Variants in TBCD observed in about 807,000 individuals in gnomAD.
TBCD encodes tubulin-specific chaperone D.
A neutral mutation model predicts 169.3 loss-of-function variants in TBCD; 105 were observed. The ratio of observed to expected loss-of-function variants is 0.62; its 90% confidence interval spans 0.53 to 0.73. TBCD has a LOEUF of 0.73. TBCD is among the 30% of genes least tolerant of loss of function. The probability of loss-of-function intolerance (pLI) is 0.00; values close to 1 mark genes in which losing one functional copy is unlikely to be tolerated. For missense variants in TBCD, 1,444 were observed against 1,600.1 expected, an observed-to-expected ratio of 0.90 and a Z score of 1.66; for synonymous variants, 700 against 643.9, an observed-to-expected ratio of 1.09 and a Z score of -1.32.
In TBCD at chr17:82,809,712, G is replaced by A; in HGVS notation, c.1153G>A (p.Gly385Ser). 1.2e-6 allele frequency: 2 copies of A among 1,613,020 alleles called. No individual in the cohort carries two copies. The highest frequency in any genetic ancestry group is 1.7e-6 in the Non-Finnish European group (2 of 1,179,394). ...VVRWSAAKGI[G>S]RMAGRLPRAL... ...ATTGCTGCGTTTCTCTTTCAGCATC[G>A]GTAGGATGGCTGGCAGGCTTCCCAG... Residue 385 changes from glycine (G) to serine (S), a missense_variant, in exon 12 of 39, where the codon GGT becomes AGT. By Grantham distance (56) the Gly-to-Ser change is moderately conservative (BLOSUM62 0). Coordinates refer to ENST00000355528, the MANE Select transcript of TBCD (RefSeq NM_005993.5).
intron 15 of TBCD, among the ~76,000 whole-genome samples, chr17:82,888,905 T>TG: frequency 6.6e-6 from 1 of 152,144 alleles, no homozygotes; most frequent in East Asian, 1.9e-4. Context: ...GCTGGTGGTG[T>TG]GTGTGGTGTG....
intron 10 of TBCD, among the ~76,000 whole-genome samples, chr17:82,807,344 C>G (rs2051046242): frequency 6.6e-6 from 1 of 152,194 alleles, no homozygotes; most frequent in Non-Finnish European, 1.5e-5. Context: ...TGGCCTTCCC[C>G]TGGGGGCAGG....
At position 82,874,184 on chromosome 17, in the gene TBCD, G is replaced by T. The variant is rs540775606; in HGVS notation, c.1475+3804G>T. Among the ~76,000 whole-genome samples, 1 of 152,146 alleles carries T rather than the reference G, an allele frequency of 6.6e-6. No homozygotes were observed. The highest frequency in any genetic ancestry group is 2.4e-5 in the African/African-American group (1 of 41,430). ...TGGGGTTGGGGTGAGTGTGACTTCTGTCTGGGGCATGTTGGGTGGGCGTGC... is the reference window on the plus strand; with the variant it reads ...TGGGGTTGGGGTGAGTGTGACTTCTTTCTGGGGCATGTTGGGTGGGCGTGC... On this transcript the variant is annotated intron_variant, in intron 14 of 38. Coordinates refer to ENST00000355528, the MANE Select transcript of TBCD (RefSeq NM_005993.5). This position sits in a 1 kb window ranked among gnomAD's most constrained non-coding sequence, Gnocchi z 5.0.
intron 8 of TBCD, among the ~76,000 whole-genome samples, chr17:82,799,534 CAT>C (rs1035892848): frequency 3.4e-5 from 5 of 146,296 alleles, no homozygotes; most frequent in Non-Finnish European, 6.0e-5. Context: ...AAATTTGAAA[CAT>C]GTATAAAGAA....
At chr17:82,802,833 G>A (rs928551817) in intron 9 of TBCD, among the ~76,000 whole-genome samples, 1 of 152,256 alleles carries the variant, frequency 6.6e-6, no homozygotes, top group African/African-American at 2.4e-5. Flanking sequence ...ATAGCGGGGC[G>A]CCCCACGGCG....
At chr17:82,811,050 A>G (rs1219656433) in intron 12 of TBCD, among the ~76,000 whole-genome samples, 1 of 152,154 alleles carries the variant, frequency 6.6e-6, no homozygotes, top group Non-Finnish European at 1.5e-5. Context: ...CTTTACCACA[A>G]CTGCTTGATG....
At position 82,920,247 on chromosome 17, in the gene TBCD, C is replaced by T. The variant is rs79884576; in HGVS notation, c.2039-309C>T. ...CTTCCCGTACAGCCTGTCACAGGGA[C>T]GTCTGCAGCTCCCTGACAGGCCGGC... On this transcript the variant is annotated intron_variant, in intron 23 of 38. Transcript: ENST00000355528. This position sits in a 1 kb window ranked among gnomAD's most constrained non-coding sequence, Gnocchi z 4.1. Among the ~76,000 whole-genome samples, 1,333 of 152,338 alleles carry T rather than the reference C, an allele frequency of 8.8e-3. 19 individuals carry two copies. Among genetic ancestry groups the T allele is most frequent in the African/African-American group, 0.03 (1,265 of 41,572 alleles).
intron 36 of TBCD, 142 bp from the exon 37 acceptor site, chr17:82,939,225 C>A: frequency 2.8e-6 from 2 of 704,630 alleles, no homozygotes; most frequent in Non-Finnish European, 5.0e-6. Context: ...TGCAGCCCTG[C>A]TGTGGCTGGG....
At chr17:82,776,748 G>A (rs1373763577) in intron 6 of TBCD, among the ~76,000 whole-genome samples, 1 of 152,122 alleles carries the variant, frequency 6.6e-6, no homozygotes, top group African/African-American at 2.4e-5. Flanking sequence ...TGGACTTCTG[G>A]GTTCCAGGAC....
In TBCD at chr17:82,875,179, G is replaced by A. The variant is rs558008607; in HGVS notation, c.1475+4799G>A. The stretch of plus-strand genomic sequence containing the variant: ...TTTTATAAATACCAGAAGGAGCTTC[G>A]TAGGTAACTTTTACCATGTGTTGAA... On this transcript the variant is annotated intron_variant, in intron 14 of 38. Coordinates refer to ENST00000355528, the MANE Select transcript of TBCD (RefSeq NM_005993.5). Among the ~76,000 whole-genome samples the A allele has an allele frequency of 7.9e-5, 12 of 152,288 alleles. No homozygotes were observed. The South Asian group carries it at 2.5e-3, about 32-fold the overall frequency.
rs1205701348 is a variant in TBCD, at chr17:82,831,306, C to T, written c.1318+16372C>T. 3.1e-6 allele frequency: 5 copies of T among 1,613,984 alleles called. No individual in the cohort carries two copies. Among genetic ancestry groups the T allele is most frequent in the East Asian group, 2.2e-5 (1 of 44,880 alleles). On this transcript the variant is annotated intron_variant, in intron 13 of 38. Coordinates refer to ENST00000355528, the MANE Select transcript of TBCD (RefSeq NM_005993.5). The surrounding 1 kb of genome is among the most constrained non-coding windows in gnomAD (Gnocchi z 4.6). ...GCCCAGCCTTGGAGGAGTCTTTAGC[C>T]TCAGGAATTGGACTTTCGAACTCGA...
intron 13 of TBCD, among the ~76,000 whole-genome samples, chr17:82,822,848 G>C (rs1434638251): frequency 6.6e-6 from 1 of 152,204 alleles, no homozygotes; most frequent in African/African-American, 2.4e-5. Flanking sequence ...GGTCTACAAA[G>C]TTATGGATTG....
Position 82,788,194 on chromosome 17 carries a change from C to T in TBCD, c.771+6473C>T, listed in dbSNP as rs1442120484. Among the ~76,000 whole-genome samples the T allele has an allele frequency of 5.9e-5, 9 of 152,202 alleles. No individual in the cohort carries two copies. The East Asian group carries it at 1.2e-3, about 20-fold the overall frequency. On this transcript the variant is annotated intron_variant, in intron 7 of 38. Transcript: ENST00000355528. ...TGGAGGTTGCAGTGAGCCGACATGG[C>T]GCCACTGCATTCCAGCCTGGGCAAC...
chr17:82,803,887 G>T (rs187520178), intron 9 of TBCD, among the ~76,000 whole-genome samples: 10 of 150,282 alleles, frequency 6.7e-5, no homozygotes, highest in African/African-American at 2.5e-4. Flanking sequence ...TGGGGGCTGG[G>T]GTGTGCCAGC....
intron 12 of TBCD, among the ~76,000 whole-genome samples, chr17:82,814,388 A>G (rs1195064937): frequency 1.3e-5 from 2 of 152,210 alleles, no homozygotes; most frequent in East Asian, 1.9e-4. Flanking sequence ...CACAGACGGG[A>G]CGGTCTCTTT....
rs1029075310 is a variant in TBCD, at chr17:82,930,154, C to T, written c.2992-368C>T. ...GGCGCGTGCGGGGAGACCCGGGCCA[C>T]ATGCGAGCGGGGCCCCGAGACATTC... On this transcript the variant is annotated intron_variant, in intron 32 of 38. Transcript: ENST00000355528. This position sits in a 1 kb window ranked among gnomAD's most constrained non-coding sequence, Gnocchi z 5.2. The T allele has an allele frequency of 1.3e-5, 4 of 297,164 alleles. No homozygotes were observed. The highest frequency in any genetic ancestry group is 2.2e-5 in the African/African-American group (1 of 45,270). 18.4% of individuals were successfully genotyped at this position (297,164 alleles called of 1,614,324 possible). A position where few individuals can be genotyped will look rare whatever the true frequency, so the allele number is the denominator to read the frequency against.
At chr17:82,809,235 G>A (rs1383093720) in intron 11 of TBCD, among the ~76,000 whole-genome samples, 1 of 152,092 alleles carries the variant, frequency 6.6e-6, no homozygotes, top group Admixed American at 6.5e-5. Context: ...TTCCCCACGG[G>A]GCCATCTCCA....
In TBCD at chr17:82,831,886, T is replaced by G; in HGVS notation, c.1318+16952T>G. ...CGACTTGGTGTGGAAAGACACGGCCTTGGCAGTGGGGTTGTGTAAAGCCAG... is the reference window on the plus strand; with the variant it reads ...CGACTTGGTGTGGAAAGACACGGCCGTGGCAGTGGGGTTGTGTAAAGCCAG... On this transcript the variant is annotated intron_variant, in intron 13 of 38. Coordinates refer to ENST00000355528, the MANE Select transcript of TBCD (RefSeq NM_005993.5). The surrounding 1 kb of genome is among the most constrained non-coding windows in gnomAD (Gnocchi z 4.6). The G allele has an allele frequency of 6.2e-7, 1 of 1,614,008 alleles. No homozygotes were observed.
intron 12 of TBCD, among the ~76,000 whole-genome samples, chr17:82,810,011 G>C (rs2051308545): frequency 6.6e-6 from 1 of 152,154 alleles, no homozygotes; most frequent in Non-Finnish European, 1.5e-5. Context: ...AGTCAGTTTA[G>C]ACATATACCC....
Sources: gnomAD v4.1 joint callset for allele counts (sites outside exome capture counted in the v4.1 genomes callset) on GRCh38, gnomAD v4.1.1 for gene constraint, Gnocchi (gnomAD v3.1) non-coding constraint, MANE v1.5 for transcripts, NCBI Gene and HGNC (gene_info 2026-07-23, HGNC 2026-07-21) for gene names.